Variants in CYB561 observed in about 807,000 individuals in gnomAD.
CYB561 encodes cytochrome b561.
A neutral mutation model predicts 25.3 loss-of-function variants in CYB561; 11 were observed. The observed-to-expected ratio is 0.44, with a 90% confidence interval of 0.27 to 0.72. The LOEUF is 0.72. CYB561 is among the 30% of genes least tolerant of loss of function. The pLI is 0.18. For synonymous variants in CYB561, 165 were observed against 158.8 expected, an observed-to-expected ratio of 1.04 and a Z score of -0.29; for missense variants, 295 against 334.9, an observed-to-expected ratio of 0.88 and a Z score of 0.93.
In CYB561 at chr17:63,437,441, C is replaced by G. The variant is rs1405064323; in HGVS notation, c.107G>C (p.Gly36Ala). 7.4e-6 allele frequency: 12 copies of G among 1,613,878 alleles called. No homozygotes were observed. The highest frequency in any genetic ancestry group is 1.0e-5 in the Non-Finnish European group (12 of 1,179,988). Residue 36 changes from glycine (G) to alanine (A), a missense_variant, in exon 2 of 6, where the codon GGG becomes GCG. Gly to Ala is a moderately conservative substitution (Grantham distance 60). Coordinates refer to ENST00000360793, the MANE Select transcript of CYB561 (RefSeq NM_001915.4). ...TLVAMTGAWL[G>A]LYRGGIAWES... The stretch of plus-strand genomic sequence containing the variant: ...CCAGGCAATGCCGCCTCGGTACAGC[C>G]CGAGCCACGCGCCGGTCATGGCCAC...
At chr17:63,439,574 T>G (rs1309696069) in intron 1 of CYB561, among the ~76,000 whole-genome samples, 1 of 152,052 alleles carries the variant, frequency 6.6e-6, no homozygotes, top group African/African-American at 2.4e-5. Context: ...GGTGTGTGTG[T>G]GTGCTAATAA....
At chr17:63,437,917 C>G in intron 1 of CYB561, 1 of 554,850 alleles carries the variant, frequency 1.8e-6, no homozygotes, top group Non-Finnish European at 2.9e-6. Context: ...CCCACGGATG[C>G]GCACAGCCCC....
chr17:63,438,606 G>A (rs1357463573), intron 1 of CYB561, among the ~76,000 whole-genome samples: 2 of 152,202 alleles, frequency 1.3e-5, no homozygotes, highest in Non-Finnish European at 2.9e-5. Context: ...CTCTAGAGGG[G>A]CCCTCAGGGA....
In CYB561 at chr17:63,435,769, G is replaced by A. The variant is rs758664675; in HGVS notation, c.324C>T (p.Tyr108=). The part of the protein sequence containing the change: ...ALVGLVAVFD[Y]HRKKGYADLY... ...GGTCAGCGTAGCCCTTCTTCCTGTG[G>A]TAGTCGAACACCGCCACCAAGCCTG... is the stretch of plus-strand genomic sequence containing the variant. Residue 108 remains tyrosine, a synonymous_variant, in exon 4 of 6, where the codon TAC becomes TAT. Coordinates refer to ENST00000360793, the MANE Select transcript of CYB561 (RefSeq NM_001915.4). 15 of 1,614,180 alleles carry A rather than the reference G, an allele frequency of 9.3e-6. No individual in the cohort carries two copies. Among genetic ancestry groups the A allele is most frequent in the African/African-American group, 1.3e-5 (1 of 75,070 alleles).
Position 63,434,204 on chromosome 17 carries a change from A to G in CYB561, c.*198T>C. 2 of 573,422 alleles carry G rather than the reference A, an allele frequency of 3.5e-6. No homozygotes were observed. The highest frequency in any genetic ancestry group is 4.7e-5 in the South Asian group (2 of 42,458). 35.5% of individuals were successfully genotyped at this position (573,422 alleles called of 1,614,324 possible). A position where few individuals can be genotyped will look rare whatever the true frequency, so the allele number is the denominator to read the frequency against. The stretch of plus-strand genomic sequence containing the variant: ...GAGACACGGGAGCCACACACAATGA[A>G]CTGGTCTATAGCAGCGGAGAAAGGA... On this transcript the variant is annotated 3_prime_UTR_variant, in exon 6 of 6. Coordinates refer to ENST00000360793, the MANE Select transcript of CYB561 (RefSeq NM_001915.4).
At chr17:63,445,104 A>C (rs1211241246) in intron 1 of CYB561, among the ~76,000 whole-genome samples, 1 of 152,200 alleles carries the variant, frequency 6.6e-6, no homozygotes, top group African/African-American at 2.4e-5. Flanking sequence ...TGAACCCGGA[A>C]GATGGAGGTT....
At chr17:63,434,799 A>G (rs2049276056) in intron 5 of CYB561, among the ~76,000 whole-genome samples, 1 of 152,240 alleles carries the variant, frequency 6.6e-6, no homozygotes, top group Admixed American at 6.5e-5. Context: ...GGGCAATGTA[A>G]AAACCTAGAT....
rs2049273174 is a variant in CYB561, at chr17:63,434,594, C to T, written c.564G>A (p.Gly188=). The T allele has an allele frequency of 6.2e-7, 1 of 1,606,594 alleles. No homozygotes were observed. Among genetic ancestry groups the T allele is most frequent in the Non-Finnish European group, 8.5e-7 (1 of 1,178,302 alleles). ...GLKEALLFNL[G]GKYSAFEPEG... is the part of the protein sequence containing the mutation. ...CGGGCTCAAATGCGCTATACTTGCC[C>T]CTGCAGGGGTGAGAGGAAGGGAGAA... The change falls in exon 6 of 6, where the codon GGG becomes GGA. Residue 188 remains glycine (G), a splice_region_variant and synonymous_variant. Coordinates refer to ENST00000360793, the MANE Select transcript of CYB561 (RefSeq NM_001915.4).
In CYB561 at chr17:63,434,609, G is replaced by C. The variant is rs376236819; in HGVS notation, c.564-15C>G. 1.9e-6 allele frequency: 3 copies of C among 1,598,246 alleles called. No individual in the cohort carries two copies. In the African/African-American group the frequency reaches 4.0e-5, roughly 21 times the overall value. On this transcript the variant is annotated splice_polypyrimidine_tract_variant and intron_variant, in intron 5 of 5. Coordinates refer to ENST00000360793, the MANE Select transcript of CYB561 (RefSeq NM_001915.4). The stretch of plus-strand genomic sequence containing the variant: ...TATACTTGCCCCTGCAGGGGTGAGA[G>C]GAAGGGAGAAGCTGCCCAAGGGGTC...
rs558731885 is a variant in CYB561 at position 63,433,053 on chromosome 17, CT to C, written c.*1348del. 404 of 218,810 alleles carry C rather than the reference CT, an allele frequency of 1.8e-3. No individual in the cohort carries two copies. The highest frequency in any genetic ancestry group is 4.1e-3 in the East Asian group (44 of 10,844). The allele number at this position is 218,810 out of a possible 1,614,324, so 13.6% of individuals were successfully genotyped here. On this transcript the variant is annotated 3_prime_UTR_variant, in exon 6 of 6. Coordinates refer to ENST00000360793, the MANE Select transcript of CYB561 (RefSeq NM_001915.4). ...ATCCAAGAAGCACATGATCGGTGTT[CT>C]TTTTTTTTTCTTTTTTGAGCCTGTC...
intron 1 of CYB561, among the ~76,000 whole-genome samples, chr17:63,444,889 G>C (rs1188936124): frequency 6.6e-6 from 1 of 152,168 alleles, no homozygotes; most frequent in Non-Finnish European, 1.5e-5. Flanking sequence ...AAAGTAGTAG[G>C]ACAAGGCTGG....
Position 63,435,756 on chromosome 17 carries a change from C to G in CYB561, c.337G>C (p.Gly113Arg). 6.2e-7 allele frequency: 1 copy of G among 1,614,202 alleles called. No homozygotes were observed. Among genetic ancestry groups the G allele is most frequent in the Non-Finnish European group, 8.5e-7 (1 of 1,180,040 alleles). ...TGTAGGCTGTACAGGTCAGCGTAGC[C>G]CTTCTTCCTGTGGTAGTCGAACACC... is the stretch of plus-strand genomic sequence containing the variant. ...VAVFDYHRKK[G>R]YADLYSLHSW... Residue 113 changes from glycine to arginine, a missense_variant, in exon 4 of 6, where the codon GGC (glycine) becomes CGC (arginine). Transcript: ENST00000360793.
At position 63,436,341 on chromosome 17, in the gene CYB561, G is replaced by C. The variant is rs1344282893; in HGVS notation, c.203-189C>G. On this transcript the variant is annotated intron_variant, in intron 2 of 5. Transcript: ENST00000360793. The surrounding 1 kb of genome is among the most constrained non-coding windows in gnomAD (Gnocchi z 4.8). ...CTGGGCAGCTCCTGGCCTTCTCTGAGGGCACCTAGGGCTGTGTGCACCTTA... is the reference window on the plus strand; with the variant it reads ...CTGGGCAGCTCCTGGCCTTCTCTGACGGCACCTAGGGCTGTGTGCACCTTA... Among the ~76,000 whole-genome samples, 1 of 152,068 alleles carries C rather than the reference G, an allele frequency of 6.6e-6. No individual in the cohort carries two copies. Among genetic ancestry groups the C allele is most frequent in the African/African-American group, 2.4e-5 (1 of 41,370 alleles).
rs773882323 is a variant in CYB561 at position 63,433,526 on chromosome 17, T to TA, written c.*875dup. The TA allele has an allele frequency of 1.5e-4, 61 of 395,104 alleles. No individual in the cohort carries two copies. The highest frequency in any genetic ancestry group is 2.2e-4 in the Non-Finnish European group (50 of 224,032). The allele number at this position is 395,104 out of a possible 1,614,324, so 24.5% of individuals were successfully genotyped here. On this transcript the variant is annotated 3_prime_UTR_variant, in exon 6 of 6. Transcript: ENST00000360793. Reference sequence around the variant, plus strand: ...CAGCCAGCAGCAGCGGTTTTTCATTTAAAAAATTATAAGGTTTGTGCCCTC... The same window carrying TA: ...CAGCCAGCAGCAGCGGTTTTTCATTTAAAAAAATTATAAGGTTTGTGCCCTC...
At chr17:63,437,714 G>A (rs1294231869) in intron 1 of CYB561, 154 bp from the exon 2 acceptor site, 6 of 533,820 alleles carry the variant, frequency 1.1e-5, no homozygotes, top group Middle Eastern at 5.0e-4. Context: ...AGATAAGCAC[G>A]GTCCCCCCAG....
Position 63,438,012 on chromosome 17 carries a change from C to T in CYB561, c.-13-452G>A, listed in dbSNP as rs533195442. On this transcript the variant is annotated intron_variant, in intron 1 of 5. Coordinates refer to ENST00000360793, the MANE Select transcript of CYB561 (RefSeq NM_001915.4). ...CGAGGCTCCCGCTGGAAGCAGCGCTCGCTCTCCTACCCGCAAGCCCCTTCC... is the reference window on the plus strand; with the variant it reads ...CGAGGCTCCCGCTGGAAGCAGCGCTTGCTCTCCTACCCGCAAGCCCCTTCC... 1.1e-4 allele frequency: 149 copies of T among 1,402,266 alleles called. No individual in the cohort carries two copies. In the South Asian group the frequency reaches 1.8e-3, roughly 17 times the overall value. 86.9% of individuals were successfully genotyped at this position (1,402,266 alleles called of 1,614,324 possible).
chr17:63,434,627 A>G lies in CYB561; in HGVS notation c.564-33T>C, dbSNP rs550818614. On this transcript the variant is annotated intron_variant, in intron 5 of 5. Coordinates refer to ENST00000360793, the MANE Select transcript of CYB561 (RefSeq NM_001915.4). ...GGTGAGAGGAAGGGAGAAGCTGCCC[A>G]AGGGGTCACAATTAGGCCAAATGCC... is the stretch of plus-strand genomic sequence containing the variant. 1.4e-5 allele frequency: 22 copies of G among 1,580,028 alleles called. No individual in the cohort carries two copies. The Admixed American group carries it at 3.7e-4, about 27-fold the overall frequency.
intron 1 of CYB561, chr17:63,440,165 T>G: frequency 7.5e-6 from 3 of 398,656 alleles, no homozygotes; most frequent in Non-Finnish European, 1.3e-5. Flanking sequence ...CAAGCCCCAT[T>G]TCTGACGGTT....
chr17:63,445,495 A>G (rs576271165), intron 1 of CYB561, among the ~76,000 whole-genome samples: 2 of 150,044 alleles, frequency 1.3e-5, no homozygotes, highest in Non-Finnish European at 3.0e-5. Flanking sequence ...GGTGGAATGA[A>G]TGAGAGGAGG....
Sources: gnomAD v4.1 joint callset for allele counts (sites outside exome capture counted in the v4.1 genomes callset) on GRCh38, gnomAD v4.1.1 for gene constraint, Gnocchi (gnomAD v3.1) non-coding constraint, MANE v1.5 for transcripts, NCBI Gene and HGNC (gene_info 2026-07-23, HGNC 2026-07-21) for gene names.